TCERG1L: variants seen among roughly 807,000 people sequenced by gnomAD.
The protein encoded by TCERG1L is transcription elongation regulator 1 like.
TCERG1L carries 37 observed loss-of-function variants against 56.3 expected under a neutral mutation model. The observed-to-expected ratio is 0.66, with a 90% CI of 0.51 to 0.87. The LOEUF (loss-of-function observed/expected upper bound fraction) is 0.87, where lower values mean the gene tolerates loss of function less well. Ranked by LOEUF, TCERG1L falls within the 40% of genes least tolerant of loss-of-function variation. TCERG1L has a pLI of 0.00. For synonymous variants in TCERG1L, 324 were observed against 326.3 expected (o/e 0.99, Z 0.08); for missense variants, 799 against 774.2 (o/e 1.03, Z -0.38).
At chr10:131,186,687 C>T (rs1044997778) in intron 4 of TCERG1L, among the ~76,000 whole-genome samples, 8 of 152,332 alleles carry the variant, frequency 5.3e-5, no homozygotes, top group Middle Eastern at 3.4e-3. Flanking sequence ...AGCCCCCTTT[C>T]CTCGTGCCTC....
chr10:131,182,982 C>T (rs1015783416), intron 4 of TCERG1L, among the ~76,000 whole-genome samples: 1 of 152,186 alleles, frequency 6.6e-6, no homozygotes, highest in Non-Finnish European at 1.5e-5. Flanking sequence ...AGGATAAAAA[C>T]AGTGCAGTGC....
intron 4 of TCERG1L, among the ~76,000 whole-genome samples, chr10:131,170,204 C>T (rs890626252): frequency 5.9e-5 from 9 of 152,060 alleles, no homozygotes; most frequent in African/African-American, 1.7e-4. Flanking sequence ...ATTGGGTCTG[C>T]GTGTCAGCCA....
intron 5 of TCERG1L, chr10:131,164,168 T>C (rs1242762371): frequency 1.3e-5 from 2 of 148,590 alleles, no homozygotes; most frequent in Admixed American, 6.7e-5. Flanking sequence ...AAAAAGAAAA[T>C]TTATCACCTA....
intron 6 of TCERG1L, among the ~76,000 whole-genome samples, chr10:131,156,736 G>A (rs1845927292): frequency 6.6e-6 from 1 of 151,960 alleles, no homozygotes; most frequent in Non-Finnish European, 1.5e-5. Flanking sequence ...TCCAATTACT[G>A]GTGCATGCAG....
Position 131,286,415 on chromosome 10 carries a change from C to T in TCERG1L, c.670+21796G>A, listed in dbSNP as rs145216127. The stretch of plus-strand genomic sequence containing the variant: ...ATTAAGTCAGAAGTGACATACAAAC[C>T]TGTGGTTACAATACCGTATTGTGTA... On this transcript the variant is annotated intron_variant, in intron 3 of 11. Transcript: ENST00000368642. Among the ~76,000 whole-genome samples the T allele has an allele frequency of 5.5e-4, 83 of 152,214 alleles. 1 individual carries two copies. The East Asian group carries it at 0.011, about 21-fold the overall frequency.
chr10:131,224,884 G>A (rs149807963), intron 4 of TCERG1L, among the ~76,000 whole-genome samples: 8 of 152,346 alleles, frequency 5.3e-5, no homozygotes, highest in Non-Finnish European at 1.0e-4. Flanking sequence ...GTACCTGGAC[G>A]TTAGGAACTC....
chr10:131,290,581 A>AGGCAGAG (rs1846602659), intron 3 of TCERG1L, among the ~76,000 whole-genome samples: 1 of 146,724 alleles, frequency 6.8e-6, no homozygotes, highest in Non-Finnish European at 1.5e-5. Context: ...CAGTGAGCTG[A>AGGCAGAG]GATCGCGCCA....
chr10:131,286,321 G>A (rs971856146), intron 3 of TCERG1L, among the ~76,000 whole-genome samples: 5 of 152,276 alleles, frequency 3.3e-5, no homozygotes, highest in African/African-American at 1.2e-4. Flanking sequence ...TGATTCATCA[G>A]CTGGATTTTT....
intron 7 of TCERG1L, among the ~76,000 whole-genome samples, chr10:131,142,448 T>G (rs551648589): frequency 6.6e-6 from 1 of 152,354 alleles, no homozygotes; most frequent in Non-Finnish European, 1.5e-5. Context: ...CACCGGACAA[T>G]TTTACATCCT....
chr10:131,100,110 A>AC (rs1444317027), intron 10 of TCERG1L, among the ~76,000 whole-genome samples: 3 of 151,716 alleles, frequency 2.0e-5, no homozygotes, highest in African/African-American at 4.8e-5. Flanking sequence ...CAGGTGATCC[A>AC]CCCGCCTCAG....
intron 4 of TCERG1L, among the ~76,000 whole-genome samples, chr10:131,255,695 G>A (rs1170142356): frequency 1.3e-5 from 2 of 152,256 alleles, no homozygotes; most frequent in Admixed American, 6.5e-5. Flanking sequence ...CGTAGTTAAA[G>A]TCAGGGTGAT....
intron 4 of TCERG1L, among the ~76,000 whole-genome samples, chr10:131,201,125 G>A (rs1392182844): frequency 1.3e-5 from 2 of 152,300 alleles, no homozygotes; most frequent in Middle Eastern, 3.4e-3. Flanking sequence ...AAACGTGGAG[G>A]GGACACATTG....
chr10:131,222,668 C>T (rs756487670), intron 4 of TCERG1L, among the ~76,000 whole-genome samples: 2 of 152,188 alleles, frequency 1.3e-5, no homozygotes, highest in East Asian at 1.9e-4. Flanking sequence ...CCGAGCCTTT[C>T]GGGATCACCC....
intron 8 of TCERG1L, among the ~76,000 whole-genome samples, chr10:131,133,497 G>A (rs1012400205): frequency 3.3e-5 from 5 of 152,090 alleles, no homozygotes; most frequent in African/African-American, 9.7e-5. Context: ...CCAGCGGAAC[G>A]TCCAGGCATC....
intron 3 of TCERG1L, among the ~76,000 whole-genome samples, chr10:131,303,312 C>T (rs181723819): frequency 3.3e-5 from 5 of 152,110 alleles, no homozygotes; most frequent in African/African-American, 9.7e-5. Flanking sequence ...TTTTAATGAT[C>T]GCCATTCTAA....
intron 7 of TCERG1L, among the ~76,000 whole-genome samples, chr10:131,134,682 T>G (rs1001532318): frequency 6.6e-6 from 1 of 152,234 alleles, no homozygotes; most frequent in Non-Finnish European, 1.5e-5. Context: ...AGAGACTGTC[T>G]GTTTAGCAGG....
chr10:131,266,249 C>T (rs532808274), intron 3 of TCERG1L, among the ~76,000 whole-genome samples: 1 of 152,360 alleles, frequency 6.6e-6, no homozygotes, highest in African/African-American at 2.4e-5. Flanking sequence ...GTTTCCACCA[C>T]ATCAGCAGTT....
chr10:131,126,434 C>G (rs949434155), intron 8 of TCERG1L, among the ~76,000 whole-genome samples: 3 of 152,244 alleles, frequency 2.0e-5, no homozygotes, highest in Admixed American at 2.0e-4. Flanking sequence ...GGTGAAACAC[C>G]TGCTGAAAAG....
intron 8 of TCERG1L, among the ~76,000 whole-genome samples, chr10:131,127,463 T>C (rs1845575974): frequency 6.6e-6 from 1 of 152,208 alleles, no homozygotes; most frequent in African/African-American, 2.4e-5. Flanking sequence ...AGAAGCCTTC[T>C]GGGGTCCAAA....
Sources: allele counts gnomAD v4.1 joint callset (sites outside exome capture counted in the v4.1 genomes callset), GRCh38; gene constraint gnomAD v4.1.1; transcripts MANE v1.5; gene names NCBI Gene and HGNC (gene_info 2026-07-23, HGNC 2026-07-21).